LRRC56: variants seen among roughly 807,000 people sequenced by gnomAD.
LRRC56 encodes the protein leucine rich repeat containing 56.
LRRC56 carries 41 observed loss-of-function variants against 47.8 expected under a neutral mutation model. The ratio of observed to expected loss-of-function variants is 0.86; its 90% CI spans 0.67 to 1.11. The LOEUF (loss-of-function observed/expected upper bound fraction) is 1.11, where lower values mean the gene tolerates loss of function less well. LRRC56 is among the 50% of genes most tolerant of loss of function. LRRC56 has a pLI of 0.00. For synonymous variants in LRRC56, 387 were observed against 311.2 expected (o/e 1.24, Z -2.56); for missense variants, 759 against 704.2 (o/e 1.08, Z -0.88).
the LRRC56 span, among the ~76,000 whole-genome samples, chr11:518,769 C>T: frequency 2.0e-5 from 3 of 152,222 alleles, no homozygotes; most frequent in African/African-American, 4.8e-5. Context: ...CTGCCCACGA[C>T]GGGGCCGCCG....
chr11:530,251 A>G, the LRRC56 span, among the ~76,000 whole-genome samples: 3 of 152,332 alleles, frequency 2.0e-5, no homozygotes, highest in African/African-American at 7.2e-5. Context: ...AGGCAGGTCC[A>G]GAGATACCTC....
chr11:542,451 A>C (rs1327623660), intron 5 of LRRC56, among the ~76,000 whole-genome samples: 1 of 151,980 alleles, frequency 6.6e-6, no homozygotes, highest in Non-Finnish European at 1.5e-5. Flanking sequence ...GTGTCTAAAA[A>C]TAAAAAATTA....
At chr11:539,117 G>C (rs1042461553) in intron 2 of LRRC56, among the ~76,000 whole-genome samples, 1 of 152,236 alleles carries the variant, frequency 6.6e-6, no homozygotes, top group East Asian at 1.9e-4. Flanking sequence ...GTCTCTCTCT[G>C]TCGCCCAGGC....
Position 551,114 on chromosome 11 carries a change from TC to T in LRRC56, c.625-12del. On this transcript the variant is annotated splice_polypyrimidine_tract_variant and intron_variant, in intron 8 of 13. Transcript: ENST00000270115. ...GACCCAGACCTGCCCTCCCTCCCCC[TC>T]CCCCTCCCCCTGCAGGTGCCCAGGG... is the stretch of plus-strand genomic sequence containing the variant. 2 of 559,458 alleles carry T rather than the reference TC, an allele frequency of 3.6e-6. No individual in the cohort carries two copies. The highest frequency in any genetic ancestry group is 5.8e-6 in the Non-Finnish European group (2 of 346,490). The allele number at this position is 559,458 out of a possible 1,614,324, so 34.7% of individuals were successfully genotyped here.
In LRRC56 at chr11:540,682, T is replaced by G. The variant is rs767879445; in HGVS notation, c.-3T>G. ...TGTGCCTCTGTCAGCAGGTGACATG[T>G]GAATGGATCTGGGCTGGGACAGATC... is the stretch of plus-strand genomic sequence containing the variant. On this transcript the variant is annotated 5_prime_UTR_variant, in exon 4 of 14. The change abolishes the stop of an existing upstream ORF in the 5' untranslated region. Coordinates refer to ENST00000270115, the MANE Select transcript of LRRC56 (RefSeq NM_198075.4). 1.9e-6 allele frequency: 3 copies of G among 1,611,796 alleles called. No homozygotes were observed. The highest frequency in any genetic ancestry group is 2.5e-6 in the Non-Finnish European group (3 of 1,179,466).
chr11:535,728 A>G (rs1346221375), upstream of LRRC56, among the ~76,000 whole-genome samples: 1 of 151,764 alleles, frequency 6.6e-6, no homozygotes, highest in Non-Finnish European at 1.5e-5. Context: ...CGGGAGGCGG[A>G]GCCAGTAGGG....
At chr11:521,652 C>T in the LRRC56 span, among the ~76,000 whole-genome samples, 3 of 152,172 alleles carry the variant, frequency 2.0e-5, no homozygotes, top group Non-Finnish European at 2.9e-5. Context: ...AGGTGGCTCA[C>T]GCCTGTAATC....
At chr11:527,617 T>C in the LRRC56 span, among the ~76,000 whole-genome samples, 10 of 151,716 alleles carry the variant, frequency 6.6e-5, no homozygotes, top group South Asian at 6.2e-4. Context: ...CTGCAAGCTC[T>C]GCCTCCCAGG....
chr11:516,150 T>G, the LRRC56 span, among the ~76,000 whole-genome samples: 3 of 152,258 alleles, frequency 2.0e-5, no homozygotes, highest in East Asian at 5.8e-4. Flanking sequence ...TCCTAGCACT[T>G]TGGGAGGCCG....
the LRRC56 span, among the ~76,000 whole-genome samples, chr11:525,449 G>GGATCACTT: frequency 6.6e-6 from 1 of 151,872 alleles, no homozygotes; most frequent in South Asian, 2.1e-4. Flanking sequence ...TGAGGCAGGA[G>GGATCACTT]AATGGCGTGA....
intron 6 of LRRC56, among the ~76,000 whole-genome samples, chr11:549,414 C>T (rs956889799): frequency 3.3e-5 from 5 of 152,156 alleles, no homozygotes; most frequent in African/African-American, 7.2e-5. Flanking sequence ...CACATCAAGC[C>T]GCCCTGACCC....
chr11:533,505 A>T (rs766801436), upstream of LRRC56: 26 of 1,613,428 alleles, frequency 1.6e-5, no homozygotes, highest in Middle Eastern at 1.6e-4. Context: ...GCTTCGGGCG[A>T]GGTCCTGAGC....
At chr11:552,506 C>T (rs1564808340) in intron 12 of LRRC56, 63 bp from the exon 13 acceptor site, 5 of 1,420,194 alleles carry the variant, frequency 3.5e-6, no homozygotes, top group South Asian at 1.2e-5. Flanking sequence ...CATGGACCAT[C>T]CCTATGTGTC....
At chr11:549,492 G>GC (rs1852263414) in intron 6 of LRRC56, among the ~76,000 whole-genome samples, 1 of 152,192 alleles carries the variant, frequency 6.6e-6, no homozygotes, top group African/African-American at 2.4e-5. Flanking sequence ...CTCCAGCGAA[G>GC]CCCCCCACAT....
At chr11:516,754 T>C in the LRRC56 span, among the ~76,000 whole-genome samples, 11 of 152,254 alleles carry the variant, frequency 7.2e-5, no homozygotes, top group African/African-American at 2.6e-4. Flanking sequence ...TCTAAATAAA[T>C]AAAATAAGAC....
chr11:508,916 A>G, the LRRC56 span, among the ~76,000 whole-genome samples: 1 of 151,546 alleles, frequency 6.6e-6, no homozygotes, highest in Non-Finnish European at 1.5e-5. Context: ...ATGGTGGTGC[A>G]TGCCTGTAAT....
At chr11:510,406 A>G in the LRRC56 span, among the ~76,000 whole-genome samples, 1 of 151,984 alleles carries the variant, frequency 6.6e-6, no homozygotes, top group South Asian at 2.1e-4. Flanking sequence ...GTTCAAGACT[A>G]GCCTGGCCAA....
chr11:533,706 G>A (rs530529842), upstream of LRRC56: 11 of 1,610,796 alleles, frequency 6.8e-6, no homozygotes, highest in South Asian at 7.7e-5. Context: ...CTGCCTGGAC[G>A]CAGCCGGCCT....
Position 539,597 on chromosome 11 carries a change from C to T in LRRC56, c.-141C>T, listed in dbSNP as rs11557660. On this transcript the variant is annotated 5_prime_UTR_variant, in exon 3 of 14. Coordinates refer to ENST00000270115, the MANE Select transcript of LRRC56 (RefSeq NM_198075.4). ...ATTTTTAGTAGAGACAGGGTTTCAC[C>T]GTGTTAGCCAGGATGGTCTCAATCT... is the stretch of plus-strand genomic sequence containing the variant. 2.6e-4 allele frequency: 39 copies of T among 149,244 alleles called. No individual in the cohort carries two copies. Among genetic ancestry groups the T allele is most frequent in the African/African-American group, 8.7e-4 (35 of 40,236 alleles). The allele number at this position is 149,244 out of a possible 1,614,324, so 9.2% of individuals were successfully genotyped here. A position where few individuals can be genotyped will look rare whatever the true frequency, so the allele number is the denominator to read the frequency against.
Sources: gnomAD v4.1 joint callset for allele counts (sites outside exome capture counted in the v4.1 genomes callset) on GRCh38, gnomAD v4.1.1 for gene constraint, MANE v1.5 for transcripts, NCBI Gene and HGNC (gene_info 2026-07-23, HGNC 2026-07-21) for gene names.